Variants in ZFAND3 observed in about 807,000 individuals in gnomAD.
ZFAND3 encodes the protein zinc finger AN1-type containing 3, also known as AN1-type zinc finger protein 3.
In ZFAND3, 10 loss-of-function variants were observed where a neutral mutation model predicts 29.6. The ratio of observed to expected loss-of-function variants is 0.34; its 90% CI spans 0.21 to 0.57. The LOEUF (loss-of-function observed/expected upper bound fraction) is 0.57. Ranked by LOEUF, ZFAND3 falls within the 20% of genes least tolerant of loss-of-function variation. The pLI is 0.86. For synonymous variants in ZFAND3, 128 were observed against 112.6 expected (o/e 1.14, Z -0.87); for missense variants, 230 against 304.5 (o/e 0.76, Z 1.82).
chr6:38,134,868 G>C (rs1189143089), intron 5 of ZFAND3, among the ~76,000 whole-genome samples: 1 of 152,226 alleles, frequency 6.6e-6, no homozygotes, highest in African/African-American at 2.4e-5. Context: ...AATGTTGGTG[G>C]ATACTGTAGT....
At chr6:37,956,051 A>G (rs1466465268) in intron 2 of ZFAND3, among the ~76,000 whole-genome samples, 3 of 152,164 alleles carry the variant, frequency 2.0e-5, no homozygotes, top group South Asian at 2.1e-4. Context: ...GGAAGTGCAT[A>G]TGCTGTGTAG....
At chr6:37,942,856 A>T (rs952888136) in intron 2 of ZFAND3, among the ~76,000 whole-genome samples, 1 of 152,178 alleles carries the variant, frequency 6.6e-6, no homozygotes, top group Non-Finnish European at 1.5e-5. Context: ...GATATAGCAG[A>T]TAAACTGTAA....
intron 2 of ZFAND3, among the ~76,000 whole-genome samples, chr6:37,963,938 T>C (rs542184741): frequency 6.6e-6 from 1 of 152,390 alleles, no homozygotes; most frequent in South Asian, 2.1e-4. Flanking sequence ...TATGAGTCTG[T>C]TATTTTACAA....
intron 2 of ZFAND3, among the ~76,000 whole-genome samples, chr6:37,958,777 GTTTACATTGCT>G (rs925844532): frequency 2.0e-5 from 3 of 151,202 alleles, no homozygotes; most frequent in Admixed American, 6.6e-5. Flanking sequence ...TGTACCTTGT[GTTTACATTGCT>G]TGTATTTTAC....
intron 5 of ZFAND3, among the ~76,000 whole-genome samples, chr6:38,144,182 ATAAT>A (rs1311269061): frequency 1.9e-3 from 21 of 11,072 alleles, no homozygotes; most frequent in Admixed American, 0.015. Flanking sequence ...ATATATATAT[ATAAT>A]ATATATATAT....
chr6:38,007,594 C>G (rs1345946157), intron 2 of ZFAND3, among the ~76,000 whole-genome samples: 1 of 152,002 alleles, frequency 6.6e-6, no homozygotes, highest in African/African-American at 2.4e-5. Flanking sequence ...TTAGGAATTG[C>G]TAATCAAGTA....
At chr6:37,893,462 A>G (rs925269924) in intron 1 of ZFAND3, among the ~76,000 whole-genome samples, 15 of 152,196 alleles carry the variant, frequency 9.9e-5, no homozygotes, top group Non-Finnish European at 2.9e-5. Context: ...TTACTTTTTA[A>G]CTGTGTTATT....
chr6:38,018,898 C>T (rs1295045203), intron 2 of ZFAND3, among the ~76,000 whole-genome samples: 1 of 152,164 alleles, frequency 6.6e-6, no homozygotes, highest in Non-Finnish European at 1.5e-5. Flanking sequence ...TTTACACTCC[C>T]ACTGGCAGTG....
intron 4 of ZFAND3, among the ~76,000 whole-genome samples, chr6:38,086,756 A>G (rs1185466549): frequency 2.0e-5 from 3 of 152,298 alleles, no homozygotes; most frequent in Middle Eastern, 3.4e-3. Context: ...TCATGACAGT[A>G]TATTTTTATG....
At chr6:37,862,830 A>G (rs1335921891) in intron 1 of ZFAND3, among the ~76,000 whole-genome samples, 5 of 152,020 alleles carry the variant, frequency 3.3e-5, no homozygotes, top group Admixed American at 3.3e-4. Flanking sequence ...CATAACCCCT[A>G]ACAAAATTTT....
chr6:38,059,308 C>A (rs1561984004), intron 2 of ZFAND3, among the ~76,000 whole-genome samples: 1 of 152,082 alleles, frequency 6.6e-6, no homozygotes, highest in Non-Finnish European at 1.5e-5. Flanking sequence ...ATGCGGTATT[C>A]TTAACATATT....
chr6:37,959,234 T>C (rs574287377), intron 2 of ZFAND3, among the ~76,000 whole-genome samples: 4 of 152,348 alleles, frequency 2.6e-5, no homozygotes, highest in African/African-American at 4.8e-5. Flanking sequence ...CAGGCTCCAG[T>C]CTAGTTCTGT....
chr6:37,958,484 A>AG (rs1762140229), intron 2 of ZFAND3, among the ~76,000 whole-genome samples: 1 of 151,560 alleles, frequency 6.6e-6, no homozygotes, highest in Non-Finnish European at 1.5e-5. Context: ...ATTCTCATTT[A>AG]GGTAGATTCT....
intron 5 of ZFAND3, among the ~76,000 whole-genome samples, chr6:38,146,556 C>CT (rs2127497740): frequency 6.6e-6 from 1 of 152,318 alleles, no homozygotes; most frequent in South Asian, 2.1e-4. Context: ...CTCAGGCATC[C>CT]TTAAGGAAGC....
chr6:38,092,852 C>T (rs112602966), intron 4 of ZFAND3, among the ~76,000 whole-genome samples: 3 of 152,342 alleles, frequency 2.0e-5, no homozygotes, highest in African/African-American at 7.2e-5. Flanking sequence ...TATCAGCATT[C>T]TGGTACTTCA....
intron 5 of ZFAND3, among the ~76,000 whole-genome samples, chr6:38,120,482 C>T (rs907377330): frequency 2.0e-5 from 3 of 151,802 alleles, no homozygotes; most frequent in Admixed American, 6.6e-5. Flanking sequence ...CACACCTCCA[C>T]GCCTGGCTAA....
At chr6:37,998,620 G>A (rs186374211) in intron 2 of ZFAND3, among the ~76,000 whole-genome samples, 11 of 152,296 alleles carry the variant, frequency 7.2e-5, no homozygotes, top group Non-Finnish European at 8.8e-5. Flanking sequence ...AAAAGAACCT[G>A]CACCTGAGTA....
chr6:37,876,942 G>A (rs556138452), intron 1 of ZFAND3, among the ~76,000 whole-genome samples: 39 of 152,240 alleles, frequency 2.6e-4, no homozygotes, highest in Non-Finnish European at 4.4e-4. Flanking sequence ...TGTCCACTGT[G>A]GAGACTCTGG....
At position 38,063,915 on chromosome 6, in the gene ZFAND3, T is replaced by C. The variant is rs188872733; in HGVS notation, c.295+2140T>C. ...AGAATTTTTTAAATATTATAACTTA[T>C]TGAATAGAGGCCAAGGTGTAGAAAT... On this transcript the variant is annotated intron_variant, in intron 3 of 5. Transcript: ENST00000287218. Among the ~76,000 whole-genome samples the C allele has an allele frequency of 2.3e-3, 352 of 152,178 alleles. 2 individuals are homozygous for C. Among genetic ancestry groups the C allele is most frequent in the Non-Finnish European group, 4.2e-3 (289 of 68,004 alleles).
Sources: gnomAD v4.1 joint callset for allele counts (sites outside exome capture counted in the v4.1 genomes callset) on GRCh38, gnomAD v4.1.1 for gene constraint, MANE v1.5 for transcripts, NCBI Gene and HGNC (gene_info 2026-07-23, HGNC 2026-07-21) for gene names.